Variants in RHOQ observed in about 807,000 individuals in gnomAD.
RHOQ encodes ras homolog family member Q.
Under a neutral mutation model 25.8 loss-of-function variants are expected in RHOQ, and 7 were observed. The ratio of observed to expected loss-of-function variants is 0.27; its 90% CI spans 0.15 to 0.51. The LOEUF (loss-of-function observed/expected upper bound fraction) is 0.51. RHOQ is among the 20% of genes least tolerant of loss of function. RHOQ has a pLI of 0.97. For synonymous variants in RHOQ, 97 were observed against 98.6 expected, an observed-to-expected ratio of 0.98 and a Z score of 0.10; for missense variants, 165 against 260.6, an observed-to-expected ratio of 0.63 and a Z score of 2.53.
rs1668143348 is a variant in RHOQ, at chr2:46,548,524, G to A, written c.201+4712G>A. 6.6e-6 allele frequency among the ~76,000 whole-genome samples: 1 copy of A among 152,360 alleles called. No homozygotes were observed. Among genetic ancestry groups the A allele is most frequent in the East Asian group, 1.9e-4 (1 of 5,186 alleles). ...CAAGTGGGCTTATGGGAACCAGACAGAGATGTGATTAGGAAAAAGGTTTTC... is the reference window on the plus strand; with the variant it reads ...CAAGTGGGCTTATGGGAACCAGACAAAGATGTGATTAGGAAAAAGGTTTTC... On this transcript the variant is annotated intron_variant, in intron 2 of 4. Coordinates refer to ENST00000238738, the MANE Select transcript of RHOQ (RefSeq NM_012249.4). This position sits in a 1 kb window ranked among gnomAD's most constrained non-coding sequence, Gnocchi z 5.2.
intron 2 of RHOQ, among the ~76,000 whole-genome samples, chr2:46,550,437 T>C (rs1668205503): frequency 6.6e-6 from 1 of 152,208 alleles, no homozygotes; most frequent in Admixed American, 6.5e-5. Context: ...GCCATCAGTT[T>C]TGTCTTTACA....
rs773972844 is a variant in RHOQ, at chr2:46,576,682, G to C, written c.462+26G>C. 18 of 1,428,340 alleles carry C rather than the reference G, an allele frequency of 1.3e-5. No homozygotes were observed. Among genetic ancestry groups the C allele is most frequent in the Admixed American group, 1.9e-5 (1 of 53,288 alleles). The allele number at this position is 1,428,340 out of a possible 1,614,324, so 88.5% of individuals were successfully genotyped here. On this transcript the variant is annotated intron_variant, in intron 4 of 4. Transcript: ENST00000238738. This position sits in a 1 kb window ranked among gnomAD's most constrained non-coding sequence, Gnocchi z 5.1. ...GTAATGGAACACTCACAGAATTTAA[G>C]CATGAATGTAAAAGATGCTAAGATA...
At chr2:46,565,151 C>T (rs369014067) in intron 2 of RHOQ, among the ~76,000 whole-genome samples, 8 of 152,206 alleles carry the variant, frequency 5.3e-5, no homozygotes, top group African/African-American at 1.9e-4. Context: ...AGATCATGTG[C>T]CCACCAAAAA....
intron 2 of RHOQ, among the ~76,000 whole-genome samples, chr2:46,554,438 C>T (rs1005767645): frequency 6.6e-6 from 1 of 152,204 alleles, no homozygotes; most frequent in Non-Finnish European, 1.5e-5. Flanking sequence ...AGCTATTTCT[C>T]TCCCGCATAT....
chr2:46,543,261 C>G, intron 1 of RHOQ, 73 bp downstream of exon 1: 1 of 1,554,210 alleles, frequency 6.4e-7, no homozygotes, highest in Non-Finnish European at 8.8e-7. Context: ...GGCGGAGCCC[C>G]CTCGCCGCCT....
chr2:46,542,679 C>T lies in RHOQ; in HGVS notation c.-368C>T, dbSNP rs1479358925. 1.4e-5 allele frequency: 2 copies of T among 146,606 alleles called. No individual in the cohort carries two copies. The highest frequency in any genetic ancestry group is 2.4e-5 in the African/African-American group (1 of 40,914). 9.1% of individuals were successfully genotyped at this position (146,606 alleles called of 1,614,324 possible). On this transcript the variant is annotated 5_prime_UTR_variant, in exon 1 of 5. Transcript: ENST00000238738. ...CGCGGGGCGGGGAGAGCCGCCTGGCCCCTCCCCTCCGCCGCCCTCCCCAAA... is the reference window on the plus strand; with the variant it reads ...CGCGGGGCGGGGAGAGCCGCCTGGCTCCTCCCCTCCGCCGCCCTCCCCAAA...
chr2:46,578,722 C>T (rs1004957361), intron 4 of RHOQ, among the ~76,000 whole-genome samples: 1 of 151,844 alleles, frequency 6.6e-6, no homozygotes, highest in Non-Finnish European at 1.5e-5. Flanking sequence ...TGCCATTGCA[C>T]TCCAGCCTGG....
chr2:46,558,617 G>C (rs192100966), intron 2 of RHOQ, among the ~76,000 whole-genome samples: 1 of 152,120 alleles, frequency 6.6e-6, no homozygotes, highest in African/African-American at 2.4e-5. Flanking sequence ...TAGGCTTTGG[G>C]GTAGGGCCTG....
chr2:46,576,350 A>G lies in RHOQ; in HGVS notation c.366+99A>G. The stretch of plus-strand genomic sequence containing the variant: ...AGTCCCAAAGCTGAGCAAATGATGT[A>G]AGTGTTTAATCTCAGCTGCAAGTTA... On this transcript the variant is annotated intron_variant, in intron 3 of 4. Transcript: ENST00000238738. This position sits in a 1 kb window ranked among gnomAD's most constrained non-coding sequence, Gnocchi z 5.1. 1 of 1,111,032 alleles carries G rather than the reference A, an allele frequency of 9.0e-7. No individual in the cohort carries two copies. Among genetic ancestry groups the G allele is most frequent in the South Asian group, 1.6e-5 (1 of 63,440 alleles). 68.8% of individuals were successfully genotyped at this position (1,111,032 alleles called of 1,614,324 possible).
Position 46,542,745 on chromosome 2 carries a change from C to A in RHOQ, c.-302C>A, listed in dbSNP as rs1338563439. On this transcript the variant is annotated 5_prime_UTR_variant, in exon 1 of 5. Transcript: ENST00000238738. ...GGGGCCGGCCGGTCTTATGATCCGG[C>A]GGATCCTCCTGGGGAGGCCGGGCCG... 1 of 146,830 alleles carries A rather than the reference C, an allele frequency of 6.8e-6. No homozygotes were observed. Among genetic ancestry groups the A allele is most frequent in the Non-Finnish European group, 1.5e-5 (1 of 65,844 alleles). 9.1% of individuals were successfully genotyped at this position (146,830 alleles called of 1,614,324 possible). A position where few individuals can be genotyped will look rare whatever the true frequency, so the allele number is the denominator to read the frequency against.
chr2:46,567,433 ACC>A (rs70940626), intron 2 of RHOQ, among the ~76,000 whole-genome samples: 2 of 149,912 alleles, frequency 1.3e-5, no homozygotes, highest in South Asian at 4.2e-4. Flanking sequence ...TCGTTCTGTC[ACC>A]CAGGCTGGAG....
In RHOQ at chr2:46,548,634, G is replaced by A. The variant is rs976838029; in HGVS notation, c.201+4822G>A. Among the ~76,000 whole-genome samples, 7 of 152,248 alleles carry A rather than the reference G, an allele frequency of 4.6e-5. No homozygotes were observed. Among genetic ancestry groups the A allele is most frequent in the South Asian group, 2.1e-4 (1 of 4,820 alleles). ...TCAGACTCTGGGTCCTTGTAGCCCC[G>A]TGTTCCATCCTTGCTCAGCCCGGTG... On this transcript the variant is annotated intron_variant, in intron 2 of 4. Transcript: ENST00000238738. The surrounding 1 kb of genome is among the most constrained non-coding windows in gnomAD (Gnocchi z 5.2).
At chr2:46,572,841 T>C (rs1668979282) in intron 2 of RHOQ, 1 of 415,176 alleles carries the variant, frequency 2.4e-6, no homozygotes, top group East Asian at 7.1e-5. Flanking sequence ...TTAAAATATA[T>C]GGCTGAAGAT....
rs1024728240 is a variant in RHOQ at position 46,542,588 on chromosome 2, G to A, written c.-459G>A. 5.4e-5 allele frequency: 8 copies of A among 146,844 alleles called. No homozygotes were observed. Among genetic ancestry groups the A allele is most frequent in the Non-Finnish European group, 1.1e-4 (7 of 66,020 alleles). 9.1% of individuals were successfully genotyped at this position (146,844 alleles called of 1,614,324 possible). ...GCAGCAGGCGGGGGCGCGTGGCGCG[G>A]GCCGCGCTCGGGGAGGCGCCTGGGC... On this transcript the variant is annotated 5_prime_UTR_variant, in exon 1 of 5. Transcript: ENST00000238738.
chr2:46,546,133 C>T (rs367645461), intron 2 of RHOQ, among the ~76,000 whole-genome samples: 2 of 151,998 alleles, frequency 1.3e-5, no homozygotes, highest in East Asian at 1.9e-4. Flanking sequence ...AATGATGAGA[C>T]CAAATGGCAA....
At position 46,555,220 on chromosome 2, in the gene RHOQ, G is replaced by A. The variant is rs1668377725; in HGVS notation, c.201+11408G>A. 6.6e-6 allele frequency among the ~76,000 whole-genome samples: 1 copy of A among 152,250 alleles called. No homozygotes were observed. Among genetic ancestry groups the A allele is most frequent in the Non-Finnish European group, 1.5e-5 (1 of 68,040 alleles). On this transcript the variant is annotated intron_variant, in intron 2 of 4. Transcript: ENST00000238738. The surrounding 1 kb of genome is among the most constrained non-coding windows in gnomAD (Gnocchi z 4.3). ...CCTCACCTCTGACTCCGGCCCTCTAGTGGTCGAGTCCCTCCTTAGAATTTC... is the reference window on the plus strand; with the variant it reads ...CCTCACCTCTGACTCCGGCCCTCTAATGGTCGAGTCCCTCCTTAGAATTTC...
intron 2 of RHOQ, among the ~76,000 whole-genome samples, chr2:46,563,976 G>A (rs1055640126): frequency 1.3e-5 from 2 of 151,820 alleles, no homozygotes; most frequent in African/African-American, 4.8e-5. Context: ...TTAAATTGAG[G>A]TGAAATTTAC....
rs1381730286 is a variant in RHOQ, at chr2:46,583,671, T to G, written c.*2588T>G. Reference sequence around the variant, plus strand: ...ATAAGCAGACTAGAGAAAAACTGCCTTATTTTCAGAAGCATGTCTTCATTC... The same window carrying G: ...ATAAGCAGACTAGAGAAAAACTGCCGTATTTTCAGAAGCATGTCTTCATTC... On this transcript the variant is annotated 3_prime_UTR_variant, in exon 5 of 5. Transcript: ENST00000238738. Among the ~76,000 whole-genome samples, 2 of 152,198 alleles carry G rather than the reference T, an allele frequency of 1.3e-5. No individual in the cohort carries two copies. Among genetic ancestry groups the G allele is most frequent in the Non-Finnish European group, 2.9e-5 (2 of 67,996 alleles).
chr2:46,555,670 T>A lies in RHOQ; in HGVS notation c.201+11858T>A, dbSNP rs1358279147. 6.6e-6 allele frequency among the ~76,000 whole-genome samples: 1 copy of A among 152,238 alleles called. No individual in the cohort carries two copies. The highest frequency in any genetic ancestry group is 1.9e-4 in the East Asian group (1 of 5,198). On this transcript the variant is annotated intron_variant, in intron 2 of 4. Coordinates refer to ENST00000238738, the MANE Select transcript of RHOQ (RefSeq NM_012249.4). The surrounding 1 kb of genome is among the most constrained non-coding windows in gnomAD (Gnocchi z 4.3). The stretch of plus-strand genomic sequence containing the variant: ...GGCTGCCAGGTCTGTTTGGATGAAA[T>A]ACTGGCTATGCGCATGTACTGTTCT...
Sources: gnomAD v4.1 joint callset for allele counts (sites outside exome capture counted in the v4.1 genomes callset) on GRCh38, gnomAD v4.1.1 for gene constraint, Gnocchi (gnomAD v3.1) non-coding constraint, MANE v1.5 for transcripts, NCBI Gene and HGNC (gene_info 2026-07-23, HGNC 2026-07-21) for gene names.